The following TXLNG variants were observed in gnomAD, a reference collection of about 807,000 sequenced individuals.
TXLNG encodes the protein taxilin gamma.
Under a neutral mutation model 38.8 loss-of-function variants are expected in TXLNG, and 5 were observed. The ratio of observed to expected loss-of-function variants is 0.13; its 90% CI spans 0.07 to 0.27. The LOEUF is 0.27. TXLNG is among the 10% of genes least tolerant of loss of function. TXLNG has a pLI of 1.00. For missense variants in TXLNG, 393 were observed against 398.2 expected (o/e 0.99, Z 0.11); for synonymous variants, 182 against 158.2 (o/e 1.15, Z -1.13).
chrX:16,789,828 C>T (rs974355357), intron 1 of TXLNG, among the ~76,000 whole-genome samples: 1 of 108,605 alleles, frequency 9.2e-6, no homozygotes, highest in Non-Finnish European at 1.9e-5. Flanking sequence ...GGGTTTCGCT[C>T]TTGTTGCCCA....
chrX:16,805,721 A>G (rs912513559), intron 1 of TXLNG, among the ~76,000 whole-genome samples: 1 of 112,496 alleles, frequency 8.9e-6, no homozygotes, highest in African/African-American at 3.2e-5. Context: ...GAAGTCTCAG[A>G]CAAGTATTTC....
rs1209691186 is a variant in TXLNG at position 16,841,592 on chromosome X, T to C, written c.1413T>C (p.Asp471=). ...IKAAIKAANR[D]LATPVMQPCT... ...CGGCCATCAAAGCGGCGAACAGGGA[T>C]TTAGCAACACCTGTGATGCAGCCCT... The change falls in exon 10 of 10, where the codon GAT becomes GAC. Residue 471 remains aspartate (D), a synonymous_variant. Coordinates refer to ENST00000380122, the MANE Select transcript of TXLNG (RefSeq NM_018360.3). 3 of 1,211,076 alleles carry C rather than the reference T, an allele frequency of 2.5e-6. No homozygotes were observed. Among genetic ancestry groups the C allele is most frequent in the Admixed American group, 2.2e-5 (1 of 45,935 alleles).
chrX:16,810,046 TA>T (rs531799475), intron 1 of TXLNG, among the ~76,000 whole-genome samples: 2 of 111,826 alleles, frequency 1.8e-5, no homozygotes, highest in South Asian at 7.4e-4. Context: ...TGCAGTTTAC[TA>T]ACTGTGACCT....
chrX:16,839,479 C>T (rs183159835), intron 8 of TXLNG: 202 of 129,261 alleles, frequency 1.6e-3, no homozygotes, highest in African/African-American at 5.5e-3. Context: ...TCTCGCTACC[C>T]GGAGCTGGGA....
chrX:16,840,993 A>G (rs1052741962), intron 9 of TXLNG, among the ~76,000 whole-genome samples: 9 of 110,482 alleles, frequency 8.1e-5, no homozygotes, highest in African/African-American at 9.9e-5. Context: ...TCAGGAAATC[A>G]AGACCATCCT....
chrX:16,818,469 A>G, intron 1 of TXLNG, 105 bp from the exon 2 acceptor site: 1 of 977,574 alleles, frequency 1.0e-6, no homozygotes, highest in Non-Finnish European at 1.4e-6. Context: ...GCAAACCACT[A>G]AGGAAGAAAA....
chrX:16,810,001 C>G (rs2147472877), intron 1 of TXLNG, among the ~76,000 whole-genome samples: 1 of 111,648 alleles, frequency 9.0e-6, no homozygotes, highest in South Asian at 3.7e-4. Context: ...AGCATGGACT[C>G]AGAAGCTAGA....
chrX:16,836,007 T>C (rs1013369799), intron 7 of TXLNG, among the ~76,000 whole-genome samples: 7 of 112,676 alleles, frequency 6.2e-5, no homozygotes, highest in Non-Finnish European at 1.1e-4. Flanking sequence ...CAGTGGCTCA[T>C]GCCTGTAATC....
chrX:16,826,885 C>T (rs917344592), intron 3 of TXLNG, among the ~76,000 whole-genome samples: 6 of 103,231 alleles, frequency 5.8e-5, no homozygotes, highest in East Asian at 6.4e-4. Flanking sequence ...TGCAATGGCG[C>T]GATCCATTGC....
At chrX:16,791,053 A>G (rs1003126321) in intron 1 of TXLNG, among the ~76,000 whole-genome samples, 1 of 112,244 alleles carries the variant, frequency 8.9e-6, no homozygotes, top group Non-Finnish European at 1.9e-5. Flanking sequence ...ACAGGGGATT[A>G]CTGTGAAGAA....
intron 1 of TXLNG, among the ~76,000 whole-genome samples, chrX:16,812,176 G>GA (rs2147474832): frequency 5.5e-5 from 1 of 18,060 alleles, no homozygotes; most frequent in African/African-American, 2.2e-4. Context: ...GCTAATTTTT[G>GA]CTTTTTTTTT....
intron 1 of TXLNG, among the ~76,000 whole-genome samples, chrX:16,795,248 G>A (rs1039799239): frequency 9.0e-6 from 1 of 110,931 alleles, no homozygotes; most frequent in African/African-American, 3.3e-5. Flanking sequence ...CTGCACTCCA[G>A]CCTGGGCGAC....
intron 1 of TXLNG, 22 bp downstream of exon 1, chrX:16,786,611 G>T: frequency 2.0e-6 from 2 of 1,012,965 alleles, no homozygotes; most frequent in Non-Finnish European, 2.5e-6. Flanking sequence ...GGACGCCCTC[G>T]TTGTTGTCGG....
chrX:16,831,476 T>C (rs927939415), intron 5 of TXLNG, among the ~76,000 whole-genome samples: 3 of 112,716 alleles, frequency 2.7e-5, no homozygotes, highest in Admixed American at 9.4e-5. Flanking sequence ...GAGAAATTGT[T>C]TGAAACAAGA....
rs536588849 is a variant in TXLNG, at chrX:16,827,253, A to G, written c.499-841A>G. ...AAAAAAATCAAAACCCCAAAGCACA[A>G]TAAATTGATTGTTAAAATATTTGGA... On this transcript the variant is annotated intron_variant, in intron 3 of 9. Transcript: ENST00000380122. Among the ~76,000 whole-genome samples, 3 of 111,729 alleles carry G rather than the reference A, an allele frequency of 2.7e-5. No homozygotes were observed. In the South Asian group the frequency reaches 1.1e-3, roughly 42 times the overall value.
At chrX:16,812,679 A>C (rs1928569015) in intron 1 of TXLNG, among the ~76,000 whole-genome samples, 1 of 92,727 alleles carries the variant, frequency 1.1e-5, no homozygotes, top group Non-Finnish European at 2.1e-5. Context: ...GGCATGAGCC[A>C]CTGCGGCCAG....
chrX:16,805,007 T>TTTTTTTTTTTTTTTTTTTTG (rs1162642529), intron 1 of TXLNG, among the ~76,000 whole-genome samples: 1 of 38,723 alleles, frequency 2.6e-5, no homozygotes, highest in Non-Finnish European at 5.0e-5. Context: ...TTTTTTTTTT[T>TTTTTTTTTTTTTTTTTTTTG]GAGAGACAGA....
At chrX:16,825,783 A>G (rs762256545) in intron 3 of TXLNG, among the ~76,000 whole-genome samples, 1 of 112,354 alleles carries the variant, frequency 8.9e-6, no homozygotes, top group East Asian at 2.8e-4. Context: ...TTTAAAAATA[A>G]AGAACACGTG....
intron 1 of TXLNG, among the ~76,000 whole-genome samples, chrX:16,813,159 A>G (rs1928598164): frequency 8.9e-6 from 1 of 111,998 alleles, no homozygotes; most frequent in Non-Finnish European, 1.9e-5. Flanking sequence ...TCTTCAAAGA[A>G]GGTATACAAA....
Sources: gnomAD v4.1 joint callset for allele counts (sites outside exome capture counted in the v4.1 genomes callset) on GRCh38, gnomAD v4.1.1 for gene constraint, MANE v1.5 for transcripts, NCBI Gene and HGNC (gene_info 2026-07-23, HGNC 2026-07-21) for gene names.